The following TTLL5 variants were observed in gnomAD, a reference collection of about 807,000 sequenced individuals.
TTLL5 encodes tubulin tyrosine ligase like 5, also known as tubulin polyglutamylase TTLL5.
A neutral mutation model predicts 168.4 loss-of-function variants in TTLL5; 132 were observed. The observed-to-expected ratio is 0.78, with a 90% CI of 0.68 to 0.91. The LOEUF (loss-of-function observed/expected upper bound fraction) is 0.91, where lower values mean the gene tolerates loss of function less well. Ranked by LOEUF, TTLL5 falls within the 40% of genes least tolerant of loss-of-function variation. The pLI is 0.00. For synonymous variants in TTLL5, 546 were observed against 558.6 expected (o/e 0.98, Z 0.32); for missense variants, 1,545 against 1,581.5 (o/e 0.98, Z 0.39).
In TTLL5 at chr14:75,943,959, G is replaced by C. The variant is rs191755809; in HGVS notation, c.3824-10465G>C. On this transcript the variant is annotated intron_variant, in intron 31 of 31. Transcript: ENST00000298832. ...CAGATTTGACCCAGTTCATTGAAGAGAGCTTTAATGAACTCAAAGATGGAT... is the reference window on the plus strand; with the variant it reads ...CAGATTTGACCCAGTTCATTGAAGACAGCTTTAATGAACTCAAAGATGGAT... Among the ~76,000 whole-genome samples the C allele has an allele frequency of 8.5e-5, 13 of 152,262 alleles. No homozygotes were observed. In the East Asian group the frequency reaches 2.5e-3, roughly 29 times the overall value.
At chr14:75,795,825 C>G (rs1460229318) in intron 27 of TTLL5, among the ~76,000 whole-genome samples, 1 of 152,140 alleles carries the variant, frequency 6.6e-6, no homozygotes, top group Non-Finnish European at 1.5e-5. Context: ...TTTATCTACT[C>G]ATTGATTGAT....
chr14:75,667,885 C>G (rs1377216207), intron 2 of TTLL5, among the ~76,000 whole-genome samples: 1 of 151,586 alleles, frequency 6.6e-6, no homozygotes, highest in Non-Finnish European at 1.5e-5. Context: ...CTCAGCCTCC[C>G]GAGTAGCTGG....
chr14:75,697,259 G>A (rs370139266), intron 6 of TTLL5, among the ~76,000 whole-genome samples: 1 of 152,156 alleles, frequency 6.6e-6, no homozygotes, highest in Admixed American at 6.5e-5. Flanking sequence ...ATAGTTTGCC[G>A]ACCCTTCATA....
intron 28 of TTLL5, among the ~76,000 whole-genome samples, chr14:75,856,878 G>A (rs1319874737): frequency 6.6e-6 from 1 of 152,012 alleles, no homozygotes; most frequent in East Asian, 1.9e-4. Context: ...GCCCACCTCC[G>A]CCTCCCAAGT....
At chr14:75,757,281 T>G (rs1890333541) in intron 18 of TTLL5, among the ~76,000 whole-genome samples, 10 of 152,172 alleles carry the variant, frequency 6.6e-5, no homozygotes, top group Admixed American at 6.5e-4. Context: ...CCCGTCCTTT[T>G]AATAGAGATT....
At chr14:75,890,941 G>T (rs1161405180) in intron 30 of TTLL5, among the ~76,000 whole-genome samples, 1 of 152,114 alleles carries the variant, frequency 6.6e-6, no homozygotes, top group Non-Finnish European at 1.5e-5. Flanking sequence ...GGGTGGTCTT[G>T]ATCTCCTGAC....
chr14:75,860,141 G>A (rs1203914351), intron 28 of TTLL5, among the ~76,000 whole-genome samples: 1 of 152,208 alleles, frequency 6.6e-6, no homozygotes, highest in African/African-American at 2.4e-5. Flanking sequence ...CGTTCAATAT[G>A]TGTGCAGTTG....
chr14:75,668,792 A>G (rs1883492413), intron 2 of TTLL5, among the ~76,000 whole-genome samples: 1 of 152,200 alleles, frequency 6.6e-6, no homozygotes, highest in East Asian at 1.9e-4. Context: ...GAGTATGTAA[A>G]TTATTGTGAA....
intron 2 of TTLL5, among the ~76,000 whole-genome samples, chr14:75,665,022 C>T (rs540166131): frequency 9.2e-5 from 14 of 152,054 alleles, no homozygotes; most frequent in East Asian, 1.9e-4. Context: ...GACTGAATAA[C>T]GAAATGAAGG....
chr14:75,861,323 G>T (rs1489247599), intron 28 of TTLL5, among the ~76,000 whole-genome samples: 20 of 152,136 alleles, frequency 1.3e-4, no homozygotes. Context: ...TAAGAGAGTT[G>T]GGAAACCAAA....
At chr14:75,922,535 T>TGTTGATTTGC (rs1490560906) in intron 31 of TTLL5, among the ~76,000 whole-genome samples, 1 of 152,234 alleles carries the variant, frequency 6.6e-6, no homozygotes, top group Non-Finnish European at 1.5e-5. Flanking sequence ...GGATTACGTT[T>TGTTGATTTGC]GTTGATTTGC....
chr14:75,760,348 A>G (rs1342534726), intron 18 of TTLL5, among the ~76,000 whole-genome samples: 2 of 152,122 alleles, frequency 1.3e-5, no homozygotes, highest in African/African-American at 2.4e-5. Context: ...GAAGACCTAA[A>G]TAAATGGAGA....
intron 30 of TTLL5, among the ~76,000 whole-genome samples, chr14:75,883,337 G>T (rs1389480477): frequency 6.6e-6 from 1 of 152,228 alleles, no homozygotes; most frequent in Non-Finnish European, 1.5e-5. Context: ...ACACCAAAAA[G>T]ACATTTCCTT....
At chr14:75,886,541 T>G (rs961145715) in intron 30 of TTLL5, among the ~76,000 whole-genome samples, 5 of 152,238 alleles carry the variant, frequency 3.3e-5, no homozygotes, top group Non-Finnish European at 7.3e-5. Flanking sequence ...AGTTCTTTGT[T>G]GTAGTTCTCA....
At chr14:75,849,604 G>A (rs1335373573) in intron 28 of TTLL5, among the ~76,000 whole-genome samples, 11 of 152,142 alleles carry the variant, frequency 7.2e-5, no homozygotes, top group Non-Finnish European at 1.6e-4. Context: ...AGAAGTAGAA[G>A]GGAATCATTT....
At chr14:75,913,455 C>G (rs11621464) in intron 31 of TTLL5, among the ~76,000 whole-genome samples, 126,680 of 152,072 alleles carry the variant, frequency 0.83, 52,878 homozygotes, top group Admixed American at 0.88. Context: ...ACTGCTCCCT[C>G]TACTAAGCTT....
intron 29 of TTLL5, among the ~76,000 whole-genome samples, chr14:75,882,362 G>A (rs1221542250): frequency 1.3e-5 from 2 of 152,118 alleles, no homozygotes; most frequent in African/African-American, 4.8e-5. Context: ...AAAAAGTGTT[G>A]AATTTAACAA....
chr14:75,733,563 C>T (rs1394919461), intron 13 of TTLL5, among the ~76,000 whole-genome samples: 1 of 151,950 alleles, frequency 6.6e-6, no homozygotes, highest in Non-Finnish European at 1.5e-5. Context: ...AGAGTTGCTT[C>T]TCTTGCGTGT....
intron 12 of TTLL5, among the ~76,000 whole-genome samples, chr14:75,722,934 G>GT (rs1172971568): frequency 1.3e-5 from 2 of 152,126 alleles, no homozygotes; most frequent in Non-Finnish European, 2.9e-5. Flanking sequence ...CTTTGGTGAT[G>GT]TTTTTTTCTA....
Sources: gnomAD v4.1 joint callset for allele counts (sites outside exome capture counted in the v4.1 genomes callset) on GRCh38, gnomAD v4.1.1 for gene constraint, MANE v1.5 for transcripts, NCBI Gene and HGNC (gene_info 2026-07-23, HGNC 2026-07-21) for gene names.